Variants in FGGY observed in about 807,000 individuals in gnomAD.
FGGY encodes the protein FGGY carbohydrate kinase domain containing, also known as FGGY carbohydrate kinase domain-containing protein.
Under a neutral mutation model 71.3 loss-of-function variants are expected in FGGY, and 72 were observed. That is an observed-to-expected ratio of 1.01 (90% CI 0.84 to 1.23). The LOEUF (loss-of-function observed/expected upper bound fraction) is 1.23, where lower values mean the gene tolerates loss of function less well. Ranked by LOEUF, FGGY falls within the 50% of genes most tolerant of loss-of-function variation. The pLI is 0.00. For missense variants in FGGY, 668 were observed against 682.3 expected (o/e 0.98, Z 0.23); for synonymous variants, 251 against 250.3 (o/e 1.00, Z -0.02).
At chr1:59,588,875 C>T (rs1286054483) in intron 8 of FGGY, among the ~76,000 whole-genome samples, 1 of 152,198 alleles carries the variant, frequency 6.6e-6, no homozygotes, top group Admixed American at 6.5e-5. Flanking sequence ...GAGGAAACTG[C>T]ATCAACTAAC....
At chr1:59,296,472 G>A (rs976849865), upstream of FGGY, among the ~76,000 whole-genome samples, 7 of 152,266 alleles carry the variant, frequency 4.6e-5, no homozygotes, top group Non-Finnish European at 7.3e-5. Context: ...TGAGTCCCCA[G>A]AGCCGGGAAC....
At chr1:59,679,444 G>A (rs1330456164) in intron 14 of FGGY, among the ~76,000 whole-genome samples, 1 of 151,626 alleles carries the variant, frequency 6.6e-6, no homozygotes, top group Non-Finnish European at 1.5e-5. Flanking sequence ...ATGTTCAGAA[G>A]TATGAAACCA....
intron 3 of FGGY, among the ~76,000 whole-genome samples, chr1:59,345,534 G>A (rs369774218): frequency 1.8e-4 from 27 of 152,200 alleles, no homozygotes; most frequent in African/African-American, 5.8e-4. Context: ...CCTCCTGAGG[G>A]CCTACTTTCT....
intron 14 of FGGY, among the ~76,000 whole-genome samples, chr1:59,696,758 A>G (rs766936011): frequency 9.2e-5 from 14 of 152,212 alleles, no homozygotes; most frequent in South Asian, 2.1e-4. Flanking sequence ...GATGAGTGTT[A>G]ATAGTAAGCA....
At chr1:59,638,034 C>A (rs937029169) in intron 10 of FGGY, among the ~76,000 whole-genome samples, 194 bp from the exon 11 acceptor site, 1 of 152,144 alleles carries the variant, frequency 6.6e-6, no homozygotes, top group Non-Finnish European at 1.5e-5. Flanking sequence ...GACTCCAAAC[C>A]TTTCTACTAG....
chr1:59,331,102 CA>C (rs2048384283), intron 2 of FGGY, among the ~76,000 whole-genome samples: 1 of 151,880 alleles, frequency 6.6e-6, no homozygotes, highest in South Asian at 2.1e-4. Context: ...AGACTATTGG[CA>C]GAGGAATAAA....
intron 6 of FGGY, among the ~76,000 whole-genome samples, chr1:59,488,330 A>G (rs1277686924): frequency 6.6e-6 from 1 of 151,964 alleles, no homozygotes; most frequent in Non-Finnish European, 1.5e-5. Context: ...ACTAAGTAAA[A>G]AATACAAACT....
At chr1:59,549,659 C>G (rs2095577956) in intron 7 of FGGY, among the ~76,000 whole-genome samples, 1 of 152,200 alleles carries the variant, frequency 6.6e-6, no homozygotes, top group Non-Finnish European at 1.5e-5. Flanking sequence ...AATTATAACA[C>G]AAATGCGAGA....
At chr1:59,490,423 T>G (rs1471002170) in intron 6 of FGGY, among the ~76,000 whole-genome samples, 1 of 152,198 alleles carries the variant, frequency 6.6e-6, no homozygotes, top group African/African-American at 2.4e-5. Flanking sequence ...ATTAATGTCT[T>G]GACCAATGAA....
intron 10 of FGGY, among the ~76,000 whole-genome samples, chr1:59,630,168 G>A (rs1443562006): frequency 6.6e-6 from 1 of 152,048 alleles, no homozygotes; most frequent in East Asian, 1.9e-4. Context: ...ACTATCACAA[G>A]AACAGCATGA....
intron 14 of FGGY, among the ~76,000 whole-genome samples, chr1:59,684,615 A>T (rs1354860833): frequency 6.6e-6 from 1 of 152,212 alleles, no homozygotes; most frequent in Non-Finnish European, 1.5e-5. Flanking sequence ...CAGTCTCATG[A>T]TATGTTAGCA....
At chr1:59,533,558 A>C (rs1429490931) in intron 7 of FGGY, among the ~76,000 whole-genome samples, 3 of 106,506 alleles carry the variant, frequency 2.8e-5, no homozygotes, top group Non-Finnish European at 5.6e-5. Context: ...GGGAACAGAC[A>C]AAAAGACAGC....
intron 14 of FGGY, among the ~76,000 whole-genome samples, chr1:59,689,125 G>A (rs2097569248): frequency 6.6e-6 from 1 of 152,132 alleles, no homozygotes; most frequent in Non-Finnish European, 1.5e-5. Context: ...GGTTAGAGAA[G>A]TATATATAAA....
chr1:59,716,420 G>A (rs1029651263), intron 14 of FGGY, among the ~76,000 whole-genome samples: 1 of 152,032 alleles, frequency 6.6e-6, no homozygotes, highest in Non-Finnish European at 1.5e-5. Flanking sequence ...CTATGAGGTT[G>A]GTATCATTAT....
chr1:59,629,086 G>A (rs2096884725), intron 10 of FGGY, among the ~76,000 whole-genome samples: 1 of 152,072 alleles, frequency 6.6e-6, no homozygotes, highest in Non-Finnish European at 1.5e-5. Flanking sequence ...GGATAGGGGA[G>A]GGATAGCATT....
At chr1:59,694,117 A>G (rs1368546173) in intron 14 of FGGY, among the ~76,000 whole-genome samples, 3 of 151,490 alleles carry the variant, frequency 2.0e-5, no homozygotes, top group Admixed American at 2.0e-4. Flanking sequence ...GTGAAATCCC[A>G]TCTCTACTAA....
At chr1:59,314,417 C>T (rs2045017970) in intron 1 of FGGY, among the ~76,000 whole-genome samples, 2 of 152,162 alleles carry the variant, frequency 1.3e-5, no homozygotes, top group Admixed American at 1.3e-4. Context: ...TTCTGTGCCT[C>T]CCAGTGCCAT....
chr1:59,671,138 C>T (rs966298198), intron 13 of FGGY, among the ~76,000 whole-genome samples: 4 of 152,186 alleles, frequency 2.6e-5, no homozygotes, highest in Non-Finnish European at 4.4e-5. Context: ...CCAAGAGGTT[C>T]TTTATAAAAC....
chr1:59,638,458 G>A, intron 11 of FGGY, 83 bp downstream of exon 11: 6 of 1,540,394 alleles, frequency 3.9e-6, no homozygotes, highest in African/African-American at 2.8e-5. Flanking sequence ...GAGGAAAAAG[G>A]AAAAGAAAAA....
Sources: gnomAD v4.1 joint callset for allele counts (sites outside exome capture counted in the v4.1 genomes callset) on GRCh38, gnomAD v4.1.1 for gene constraint, MANE v1.5 for transcripts, NCBI Gene and HGNC (gene_info 2026-07-23, HGNC 2026-07-21) for gene names.